LMO7: variants seen among roughly 807,000 people sequenced by gnomAD.
LMO7 encodes LIM domain only protein 7.
A neutral mutation model predicts 206.5 loss-of-function variants in LMO7; 120 were observed. The observed-to-expected ratio is 0.58, with a 90% confidence interval of 0.50 to 0.68. The LOEUF is 0.68. Ranked by LOEUF, LMO7 falls within the 30% of genes least tolerant of loss-of-function variation. The pLI, the probability that LMO7 is intolerant of heterozygous loss-of-function variation, is 0.00. For missense variants in LMO7, 1,959 were observed against 1,957.9 expected (o/e 1.00, Z -0.01); for synonymous variants, 706 against 681.5 (o/e 1.04, Z -0.56).
intron 29 of LMO7, among the ~76,000 whole-genome samples, chr13:75,855,844 A>G (rs917490776): frequency 2.6e-5 from 4 of 152,200 alleles, no homozygotes; most frequent in Non-Finnish European, 5.9e-5. Flanking sequence ...AGAAGGAACT[A>G]AGGCTGTAAT....
At chr13:75,725,624 G>GA (rs754998834) in intron 2 of LMO7, among the ~76,000 whole-genome samples, 3 of 151,934 alleles carry the variant, frequency 2.0e-5, no homozygotes, top group Non-Finnish European at 4.4e-5. Flanking sequence ...TAGTGATTAA[G>GA]AAAAAAATCA....
chr13:75,837,053 G>T (rs2059186643), intron 19 of LMO7, among the ~76,000 whole-genome samples: 1 of 152,122 alleles, frequency 6.6e-6, no homozygotes, highest in East Asian at 1.9e-4. Flanking sequence ...GGTCATGTAG[G>T]CAGGGGAAGA....
chr13:75,781,182 T>A (rs2051356654), intron 4 of LMO7, among the ~76,000 whole-genome samples: 1 of 147,294 alleles, frequency 6.8e-6, no homozygotes, highest in Non-Finnish European at 1.5e-5. Context: ...ATTGTGCAGG[T>A]TAGCTACATA....
chr13:75,688,150 A>G (rs2041170907), intron 1 of LMO7, among the ~76,000 whole-genome samples: 1 of 152,196 alleles, frequency 6.6e-6, no homozygotes, highest in Non-Finnish European at 1.5e-5. Flanking sequence ...TTTTCTTTAT[A>G]CATTACCCAG....
rs1403885785 is a variant in LMO7 at position 75,858,069 on chromosome 13, G to C, written c.*126G>C. On this transcript the variant is annotated 3_prime_UTR_variant, in exon 31 of 31. Coordinates refer to ENST00000377534, the MANE Select transcript of LMO7 (RefSeq NM_001306080.2). ...TTTAAAAAAAAGAATAACTTTTTTT[G>C]CCTCTTTAGATTACATAGAAGCATT... 2 of 1,108,148 alleles carry C rather than the reference G, an allele frequency of 1.8e-6. No individual in the cohort carries two copies. Among genetic ancestry groups the C allele is most frequent in the Non-Finnish European group, 2.6e-6 (2 of 767,536 alleles). The allele number at this position is 1,108,148 out of a possible 1,614,324, so 68.6% of individuals were successfully genotyped here. A position where few individuals can be genotyped will look rare whatever the true frequency, so the allele number is the denominator to read the frequency against.
At chr13:75,712,775 T>C (rs911839544) in intron 1 of LMO7, among the ~76,000 whole-genome samples, 2 of 152,242 alleles carry the variant, frequency 1.3e-5, no homozygotes, top group Admixed American at 6.5e-5. Flanking sequence ...TTGAAATTAA[T>C]GATAGTGTAT....
chr13:75,794,685 C>T (rs1429009313), intron 4 of LMO7, among the ~76,000 whole-genome samples: 2 of 152,052 alleles, frequency 1.3e-5, no homozygotes, highest in Non-Finnish European at 2.9e-5. Flanking sequence ...TTAGGATGAC[C>T]CATCCCTTTG....
At chr13:75,644,505 A>AT (rs1158914427) in intron 1 of LMO7, among the ~76,000 whole-genome samples, 4 of 152,302 alleles carry the variant, frequency 2.6e-5, no homozygotes, top group African/African-American at 4.8e-5. Flanking sequence ...AAGATTAGCT[A>AT]TTTTTTGTAC....
At chr13:75,771,587 G>GACTTTAAAAACAGAATTTT (rs1555315460) in intron 4 of LMO7, among the ~76,000 whole-genome samples, 6 of 23,910 alleles carry the variant, frequency 2.5e-4, no homozygotes, top group Admixed American at 4.8e-4. Flanking sequence ...AACAGAATTA[G>GACTTTAAAAACAGAATTTT]TAAGTATATT....
intron 4 of LMO7, among the ~76,000 whole-genome samples, chr13:75,793,185 G>T (rs2053536775): frequency 6.6e-6 from 1 of 152,132 alleles, no homozygotes; most frequent in South Asian, 2.1e-4. Flanking sequence ...CAAAAAAGGG[G>T]CTATATGTTT....
At chr13:75,812,579 T>C (rs951817878) in intron 11 of LMO7, among the ~76,000 whole-genome samples, 1 of 152,124 alleles carries the variant, frequency 6.6e-6, no homozygotes, top group Non-Finnish European at 1.5e-5. Context: ...AAGTGAGTTC[T>C]AAAAGGAAAT....
intron 2 of LMO7, among the ~76,000 whole-genome samples, chr13:75,726,807 C>T (rs1299414590): frequency 1.3e-5 from 2 of 152,070 alleles, no homozygotes; most frequent in South Asian, 2.1e-4. Flanking sequence ...TCTGTGTCTC[C>T]ACATAAAGGA....
At chr13:75,790,403 A>C (rs867706719) in intron 4 of LMO7, among the ~76,000 whole-genome samples, 1 of 152,118 alleles carries the variant, frequency 6.6e-6, no homozygotes. Flanking sequence ...AAGTGATGCA[A>C]TCAAGTTCTC....
chr13:75,835,217 G>T lies in LMO7; in HGVS notation c.3227-16G>T. 1.2e-6 allele frequency: 2 copies of T among 1,611,798 alleles called. No individual in the cohort carries two copies. The highest frequency in any genetic ancestry group is 1.7e-6 in the Non-Finnish European group (2 of 1,179,058). On this transcript the variant is annotated splice_polypyrimidine_tract_variant and intron_variant, in intron 17 of 30. Transcript: ENST00000377534. ...TAAAACCCTCAATCTCACCAGTATG[G>T]CTACCAAAATTATAGGTTCACCTGA...
intron 1 of LMO7, among the ~76,000 whole-genome samples, chr13:75,668,131 A>G (rs529605056): frequency 1.2e-4 from 18 of 152,278 alleles, no homozygotes; most frequent in African/African-American, 3.4e-4. Flanking sequence ...TTGCTTGAAC[A>G]CTGGAGGTGC....
At chr13:75,724,662 T>G (rs894904584) in intron 2 of LMO7, among the ~76,000 whole-genome samples, 1 of 152,174 alleles carries the variant, frequency 6.6e-6, no homozygotes, top group Non-Finnish European at 1.5e-5. Context: ...AGTTTAGATT[T>G]TATAAGACCC....
At chr13:75,655,670 TATATATATATATATATATA>T (rs2038003501) in intron 1 of LMO7, among the ~76,000 whole-genome samples, 1 of 38,254 alleles carries the variant, frequency 2.6e-5, no homozygotes, top group East Asian at 7.8e-4. Flanking sequence ...TATATATATA[TATATATATATATATATATA>T]TTTGTTTTAA....
rs747612209 is a variant in LMO7, at chr13:75,856,506, T to C, written c.4771T>C (p.Cys1591Arg). ...ATGTTCTTTTTTTTTTGTTCCCCAGTGTGTTGCCTGTGAGTGTGACCTCGG... is the reference window on the plus strand; with the variant it reads ...ATGTTCTTTTTTTTTTGTTCCCCAGCGTGTTGCCTGTGAGTGTGACCTCGG... The part of the protein sequence containing the change: ...GLCYHLHCFK[C>R]VACECDLGGS... The change falls in exon 30 of 31, where the codon TGT becomes CGT. Residue 1591 changes from cysteine (C) to arginine (R), a missense_variant and splice_region_variant. By Grantham distance (180) the Cys-to-Arg change is radical. Transcript: ENST00000377534. 4 of 1,592,444 alleles carry C rather than the reference T, an allele frequency of 2.5e-6. No individual in the cohort carries two copies. In the African/African-American group the frequency reaches 5.4e-5, roughly 21 times the overall value.
At chr13:75,698,692 G>A (rs2042066301) in intron 1 of LMO7, among the ~76,000 whole-genome samples, 2 of 150,414 alleles carry the variant, frequency 1.3e-5, no homozygotes, top group African/African-American at 4.9e-5. Flanking sequence ...TTTTGTATAT[G>A]GGGCATGAGA....
Sources: gnomAD v4.1 joint callset for allele counts (sites outside exome capture counted in the v4.1 genomes callset) on GRCh38, gnomAD v4.1.1 for gene constraint, MANE v1.5 for transcripts, NCBI Gene and HGNC (gene_info 2026-07-23, HGNC 2026-07-21) for gene names.